The following ADARB2 variants were observed in gnomAD, a reference collection of about 807,000 sequenced individuals.
ADARB2 encodes the protein inactive double-stranded RNA-specific editase B2.
ADARB2 carries 25 observed loss-of-function variants against 62.2 expected under a neutral mutation model. The ratio of observed to expected loss-of-function variants is 0.40; its 90% CI spans 0.29 to 0.56. The LOEUF is 0.56. Among genes scored for constraint, ADARB2 ranks in the 20% least tolerant of loss-of-function variants. ADARB2 has a pLI of 0.43. For synonymous variants in ADARB2, 572 were observed against 500.8 expected, an observed-to-expected ratio of 1.14 and a Z score of -1.90; for missense variants, 1,071 against 1,077.4, an observed-to-expected ratio of 0.99 and a Z score of 0.08.
At chr10:1,449,594 T>C (rs1241734878) in intron 1 of ADARB2, among the ~76,000 whole-genome samples, 1 of 152,168 alleles carries the variant, frequency 6.6e-6, no homozygotes, top group Non-Finnish European at 1.5e-5. Context: ...CCAGAGAGAA[T>C]TCCCAGAGGA....
intron 6 of ADARB2, among the ~76,000 whole-genome samples, chr10:1,232,631 T>C (rs1015085259): frequency 6.8e-6 from 1 of 147,898 alleles, no homozygotes; most frequent in Non-Finnish European, 1.5e-5. Context: ...ATGTGTGTGG[T>C]GTATGTGGTC....
In ADARB2 at chr10:1,484,224, A is replaced by G. The variant is rs149595657; in HGVS notation, c.101-105064T>C. On this transcript the variant is annotated intron_variant, in intron 1 of 9. Transcript: ENST00000381312. Reference sequence around the variant, plus strand: ...CTCTCATTTGGCTGAGAAGGAGAAAAATCCTTGAAAATTGGTTTGAAAAGT... The same window carrying G: ...CTCTCATTTGGCTGAGAAGGAGAAAGATCCTTGAAAATTGGTTTGAAAAGT... Among the ~76,000 whole-genome samples, 11 of 152,334 alleles carry G rather than the reference A, an allele frequency of 7.2e-5. No homozygotes were observed. The East Asian group carries it at 2.1e-3, about 29-fold the overall frequency.
At chr10:1,191,863 C>G (rs1344660659) in intron 8 of ADARB2, among the ~76,000 whole-genome samples, 1 of 152,164 alleles carries the variant, frequency 6.6e-6, no homozygotes, top group Non-Finnish European at 1.5e-5. Context: ...CAGAGCAAAG[C>G]TGGACTCACT....
At chr10:1,565,245 G>A (rs1187848796) in intron 1 of ADARB2, among the ~76,000 whole-genome samples, 1 of 152,058 alleles carries the variant, frequency 6.6e-6, no homozygotes, top group Non-Finnish European at 1.5e-5. Context: ...CATTATTCTG[G>A]TTTCTTTATA....
At chr10:1,234,517 T>C (rs1226275862) in intron 5 of ADARB2, among the ~76,000 whole-genome samples, 1 of 151,804 alleles carries the variant, frequency 6.6e-6, no homozygotes, top group Non-Finnish European at 1.5e-5. Context: ...CACGGCTCAC[T>C]GTAGCCTCAG....
chr10:1,345,166 C>G (rs1832067932), intron 3 of ADARB2, among the ~76,000 whole-genome samples: 1 of 152,076 alleles, frequency 6.6e-6, no homozygotes, highest in Admixed American at 6.5e-5. Flanking sequence ...ACTCTTATGC[C>G]AGACCCACCT....
chr10:1,347,986 A>T (rs561588533), intron 3 of ADARB2, among the ~76,000 whole-genome samples: 69 of 152,018 alleles, frequency 4.5e-4, no homozygotes, highest in African/African-American at 1.6e-3. Flanking sequence ...AGACAGAGAG[A>T]TACTGAGAGA....
In ADARB2 at chr10:1,226,860, G is replaced by GGACACAC. The variant is rs376448359; in HGVS notation, c.1513+6833_1513+6834insGTGTGTC. ...CCCAGTTAGGCTACTCGGGGGTCAGGTGGAGGCAGTCCACCCGATCTCAGC... is the reference window on the plus strand; with the variant it reads ...CCCAGTTAGGCTACTCGGGGGTCAGGGACACACTGGAGGCAGTCCACCCGATCTCAGC... On this transcript the variant is annotated intron_variant, in intron 6 of 9. Coordinates refer to ENST00000381312, the MANE Select transcript of ADARB2 (RefSeq NM_018702.4). Among the ~76,000 whole-genome samples the GGACACAC allele has an allele frequency of 1.6e-3, 248 of 151,950 alleles. 1 individual carries two copies. Among genetic ancestry groups the GGACACAC allele is most frequent in the African/African-American group, 5.0e-3 (207 of 41,460 alleles).
intron 1 of ADARB2, among the ~76,000 whole-genome samples, chr10:1,531,608 G>A (rs1311037864): frequency 6.6e-6 from 1 of 152,190 alleles, no homozygotes; most frequent in Admixed American, 6.5e-5. Flanking sequence ...GGGAGGCCGA[G>A]TGGGTGGATC....
chr10:1,457,088 A>T (rs1009701950), intron 1 of ADARB2, among the ~76,000 whole-genome samples: 2 of 152,218 alleles, frequency 1.3e-5, no homozygotes, highest in Non-Finnish European at 2.9e-5. Context: ...TTGGAAAGAG[A>T]TGACATGGCA....
chr10:1,320,987 T>A (rs1477527933), intron 3 of ADARB2, among the ~76,000 whole-genome samples: 1 of 152,210 alleles, frequency 6.6e-6, no homozygotes, highest in Non-Finnish European at 1.5e-5. Context: ...AGTGGGAACA[T>A]ATTTTACTGT....
At chr10:1,583,725 C>T (rs1270065951) in intron 1 of ADARB2, among the ~76,000 whole-genome samples, 2 of 152,130 alleles carry the variant, frequency 1.3e-5, no homozygotes, top group African/African-American at 2.4e-5. Flanking sequence ...TGGATATCAC[C>T]AAACTCATTC....
At chr10:1,615,591 T>C (rs1326029306) in intron 1 of ADARB2, among the ~76,000 whole-genome samples, 2 of 152,232 alleles carry the variant, frequency 1.3e-5, no homozygotes, top group East Asian at 3.8e-4. Flanking sequence ...CGAATGGGAA[T>C]TGGGCTCTCC....
chr10:1,703,823 A>C (rs1267196390), intron 1 of ADARB2, among the ~76,000 whole-genome samples: 1 of 152,156 alleles, frequency 6.6e-6, no homozygotes, highest in Non-Finnish European at 1.5e-5. Context: ...AAATCTTTTG[A>C]CCACTGTTCA....
chr10:1,650,858 A>T (rs1834101008), intron 1 of ADARB2, among the ~76,000 whole-genome samples: 1 of 152,118 alleles, frequency 6.6e-6, no homozygotes, highest in Non-Finnish European at 1.5e-5. Flanking sequence ...GCTGACGTGG[A>T]TGTAGCACGG....
At position 1,323,208 on chromosome 10, in the gene ADARB2, CTT is replaced by C. The variant is rs1831810381; in HGVS notation, c.1077+39818_1077+39819del. 3.3e-5 allele frequency among the ~76,000 whole-genome samples: 5 copies of C among 149,548 alleles called. No homozygotes were observed. The South Asian group carries it at 6.5e-4, about 19-fold the overall frequency. ...TTTTAGTTAATATTGTCATCATCCTCTTTATCATACTTCACAGATTCTATGGG... is the reference window on the plus strand; with the variant it reads ...TTTTAGTTAATATTGTCATCATCCTCTATCATACTTCACAGATTCTATGGG... On this transcript the variant is annotated intron_variant, in intron 3 of 9. Coordinates refer to ENST00000381312, the MANE Select transcript of ADARB2 (RefSeq NM_018702.4).
intron 1 of ADARB2, among the ~76,000 whole-genome samples, chr10:1,420,735 C>G (rs1474458727): frequency 6.6e-6 from 1 of 152,210 alleles, no homozygotes; most frequent in East Asian, 1.9e-4. Flanking sequence ...GCTCTGCACC[C>G]AGGGCACAGA....
chr10:1,190,612 T>C (rs188401882), intron 8 of ADARB2, among the ~76,000 whole-genome samples: 16 of 152,280 alleles, frequency 1.1e-4, no homozygotes, highest in African/African-American at 3.9e-4. Flanking sequence ...AGAGACCCCT[T>C]CTTGACTCTC....
At chr10:1,561,324 T>G (rs1389497413) in intron 1 of ADARB2, among the ~76,000 whole-genome samples, 1 of 152,218 alleles carries the variant, frequency 6.6e-6, no homozygotes, top group Non-Finnish European at 1.5e-5. Context: ...GTGCTTCAAA[T>G]GCAAGGTACA....
Sources: allele counts gnomAD v4.1 joint callset (sites outside exome capture counted in the v4.1 genomes callset), GRCh38; gene constraint gnomAD v4.1.1; transcripts MANE v1.5; gene names NCBI Gene and HGNC (gene_info 2026-07-23, HGNC 2026-07-21).